CCDC80: variants seen among roughly 807,000 people sequenced by gnomAD.
CCDC80 encodes coiled-coil domain containing 80, also known as coiled-coil domain-containing protein 80.
A neutral mutation model predicts 78.7 loss-of-function variants in CCDC80; 49 were observed. The ratio of observed to expected loss-of-function variants is 0.62; its 90% CI spans 0.50 to 0.79. CCDC80 has a LOEUF of 0.79. Among genes scored for constraint, CCDC80 ranks in the 30% least tolerant of loss-of-function variants. CCDC80 has a pLI of 0.00. For missense variants in CCDC80, 1,205 were observed against 1,198.6 expected, an observed-to-expected ratio of 1.01 and a Z score of -0.08; for synonymous variants, 488 against 447.0, an observed-to-expected ratio of 1.09 and a Z score of -1.16.
At position 112,600,216 on chromosome 3, in the gene CCDC80, G is replaced by A. The variant is rs553207296; in HGVS notation, c.*5201C>T. On this transcript the variant is annotated 3_prime_UTR_variant, in exon 8 of 8. Coordinates refer to ENST00000206423, the MANE Select transcript of CCDC80 (RefSeq NM_199511.3). The stretch of plus-strand genomic sequence containing the variant: ...ACATTCACCAATAGCATCCTCCTCT[G>A]AATGTATTTTGGTCCTTTTGCTAAG... 2 of 152,152 alleles carry A rather than the reference G, an allele frequency of 1.3e-5. No individual in the cohort carries two copies. Among genetic ancestry groups the A allele is most frequent in the Non-Finnish European group, 2.9e-5 (2 of 68,022 alleles). 9.4% of individuals were successfully genotyped at this position (152,152 alleles called of 1,614,324 possible). A position where few individuals can be genotyped will look rare whatever the true frequency, so the allele number is the denominator to read the frequency against.
chr3:112,619,205 T>A, intron 3 of CCDC80, 101 bp from the exon 4 acceptor site: 1 of 1,119,740 alleles, frequency 8.9e-7, no homozygotes, highest in South Asian at 2.0e-5. Flanking sequence ...CCAGCCTTCA[T>A]TAGTTTTATA....
At chr3:112,636,422 C>T (rs75755325) in intron 2 of CCDC80, among the ~76,000 whole-genome samples, 4,921 of 152,226 alleles carry the variant, frequency 0.032, 406 homozygotes, top group East Asian at 0.29. Context: ...TAACAAAACA[C>T]ACACAGACAT....
intron 7 of CCDC80, 116 bp downstream of exon 7, chr3:112,607,060 G>T: frequency 1.5e-6 from 1 of 686,988 alleles, no homozygotes; most frequent in Non-Finnish European, 2.4e-6. Flanking sequence ...GAAGTGGGAG[G>T]AGGATTCAAT....
In CCDC80 at chr3:112,604,337, T is replaced by G. The variant is rs1431184457; in HGVS notation, c.*1080A>C. On this transcript the variant is annotated 3_prime_UTR_variant, in exon 8 of 8. Transcript: ENST00000206423. ...GTGGCAAACTTCATTGCTGTCTTAT[T>G]TTAAGAAATTGCCACCATCACCCCC... The G allele has an allele frequency of 6.6e-6, 1 of 152,206 alleles. No individual in the cohort carries two copies. Among genetic ancestry groups the G allele is most frequent in the African/African-American group, 2.4e-5 (1 of 41,462 alleles). The allele number at this position is 152,206 out of a possible 1,614,324, so 9.4% of individuals were successfully genotyped here. A position where few individuals can be genotyped will look rare whatever the true frequency, so the allele number is the denominator to read the frequency against.
At chr3:112,633,594 A>G (rs558715309) in intron 2 of CCDC80, among the ~76,000 whole-genome samples, 29 of 152,278 alleles carry the variant, frequency 1.9e-4, no homozygotes, top group African/African-American at 7.0e-4. Flanking sequence ...AGGAGAGGAG[A>G]GGGACTCAGG....
intron 3 of CCDC80, among the ~76,000 whole-genome samples, chr3:112,626,976 C>T (rs1935988607): frequency 6.6e-6 from 1 of 152,186 alleles, no homozygotes; most frequent in Non-Finnish European, 1.5e-5. Flanking sequence ...CTCAAACTCT[C>T]CTTTCTTTGA....
At chr3:112,605,831 G>C in intron 7 of CCDC80, 68 bp from the exon 8 acceptor site, 1 of 1,306,746 alleles carries the variant, frequency 7.7e-7, no homozygotes, top group Non-Finnish European at 1.1e-6. Flanking sequence ...ACATTAAAGT[G>C]TGAGGAAATT....
intron 7 of CCDC80, among the ~76,000 whole-genome samples, chr3:112,606,546 C>T (rs535370895): frequency 6.6e-6 from 1 of 152,346 alleles, no homozygotes; most frequent in South Asian, 2.1e-4. Context: ...CTACCTCAGC[C>T]TCCCAGGTAG....
chr3:112,597,533 G>T lies in CCDC80; in HGVS notation c.*7884C>A, dbSNP rs1935302403. On this transcript the variant is annotated 3_prime_UTR_variant, in exon 8 of 8. Transcript: ENST00000206423. ...TTCATTACTTTTTAGTTTATTTCAG[G>T]GAGGGGGTGGTGTTTTTTAATGAAT... 1 of 152,070 alleles carries T rather than the reference G, an allele frequency of 6.6e-6. No homozygotes were observed. The highest frequency in any genetic ancestry group is 2.4e-5 in the African/African-American group (1 of 41,392). The allele number at this position is 152,070 out of a possible 1,614,324, so 9.4% of individuals were successfully genotyped here. A position where few individuals can be genotyped will look rare whatever the true frequency, so the allele number is the denominator to read the frequency against.
intron 5 of CCDC80, 137 bp from the exon 6 acceptor site, chr3:112,610,218 C>A (rs1935598349): frequency 6.9e-6 from 5 of 720,516 alleles, no homozygotes; most frequent in Admixed American, 6.7e-5. Flanking sequence ...GAGAACTGTC[C>A]CATGCTTCTC....
At chr3:112,610,203 A>G (rs979530508) in intron 5 of CCDC80, 122 bp from the exon 6 acceptor site, 4 of 791,840 alleles carry the variant, frequency 5.1e-6, no homozygotes, top group Non-Finnish European at 8.5e-6. Flanking sequence ...AAAAAGAAAA[A>G]AACAGAGAAC....
intron 3 of CCDC80, among the ~76,000 whole-genome samples, chr3:112,626,153 C>T (rs1003217303): frequency 2.0e-5 from 3 of 152,176 alleles, no homozygotes; most frequent in Admixed American, 6.5e-5. Flanking sequence ...GCAGCAAGGG[C>T]AGTGGACTAA....
At chr3:112,633,051 T>C (rs1936129498) in intron 2 of CCDC80, among the ~76,000 whole-genome samples, 1 of 152,180 alleles carries the variant, frequency 6.6e-6, no homozygotes, top group South Asian at 2.1e-4. Flanking sequence ...ATAAATCCAC[T>C]TAATCTTCTG....
rs769151702 is a variant in CCDC80, at chr3:112,639,673, C to T, written c.233G>A (p.Arg78Lys). The T allele has an allele frequency of 2.5e-5, 41 of 1,614,194 alleles. No individual in the cohort carries two copies. In the South Asian group the frequency reaches 4.3e-4, roughly 17 times the overall value. Reference sequence around the variant, plus strand: ...AGCTAGTCTCAACACGGGCACACTCCTCCTTCTCTGGAGAGGCTGAAGGTT... The same window carrying T: ...AGCTAGTCTCAACACGGGCACACTCTTCCTTCTCTGGAGAGGCTGAAGGTT... ...EPNLQPLQRR[R>K]SVPVLRLARP... The change falls in exon 2 of 8, where the codon AGG (arginine) becomes AAG (lysine). Residue 78 changes from arginine (R) to lysine (K), a missense_variant. By Grantham distance (26) the Arg-to-Lys change is conservative. Coordinates refer to ENST00000206423, the MANE Select transcript of CCDC80 (RefSeq NM_199511.3).
chr3:112,607,569 G>A (rs900920742), intron 6 of CCDC80, among the ~76,000 whole-genome samples: 2 of 152,170 alleles, frequency 1.3e-5, no homozygotes, highest in East Asian at 3.9e-4. Flanking sequence ...GGCAGATCAC[G>A]AGGTCAGGAG....
At chr3:112,621,183 G>A (rs1331461460) in intron 3 of CCDC80, among the ~76,000 whole-genome samples, 6 of 152,112 alleles carry the variant, frequency 3.9e-5, no homozygotes, top group East Asian at 1.9e-4. Flanking sequence ...GACTCTGAGC[G>A]CATCTATATC....
At position 112,619,107 on chromosome 3, in the gene CCDC80, T is replaced by G. The variant is rs1026022648; in HGVS notation, c.2036-3A>C. ...CACTCGCATGGGCTTCTCATTATCT[T>G]AAGGGAAATAAAATGTGAATGAATA... On this transcript the variant is annotated splice_polypyrimidine_tract_variant and splice_region_variant and intron_variant, in intron 3 of 7. Coordinates refer to ENST00000206423, the MANE Select transcript of CCDC80 (RefSeq NM_199511.3). 5 of 1,564,838 alleles carry G rather than the reference T, an allele frequency of 3.2e-6. No individual in the cohort carries two copies. The highest frequency in any genetic ancestry group is 2.0e-5 in the Admixed American group (1 of 49,772).
chr3:112,640,537 CT>C lies in CCDC80; in HGVS notation c.-223del. On this transcript the variant is annotated 5_prime_UTR_variant, in exon 1 of 8. Transcript: ENST00000206423. ...CCTGATCTGAGAGCTGAGCCGATGCCTTTTCTTTCTGGCTGTGTCTTTTTAC... is the reference window on the plus strand; with the variant it reads ...CCTGATCTGAGAGCTGAGCCGATGCCTTTCTTTCTGGCTGTGTCTTTTTAC... The C allele has an allele frequency of 6.5e-6, 1 of 152,958 alleles. No individual in the cohort carries two copies. The highest frequency in any genetic ancestry group is 1.5e-5 in the Non-Finnish European group (1 of 68,504). 9.5% of individuals were successfully genotyped at this position (152,958 alleles called of 1,614,324 possible).
chr3:112,607,476 G>A (rs573209458), intron 6 of CCDC80, among the ~76,000 whole-genome samples: 150 of 152,136 alleles, frequency 9.9e-4, no homozygotes, highest in African/African-American at 3.4e-3. Flanking sequence ...TCTACTAAAT[G>A]ACAAAAAAGA....
Sources: allele counts gnomAD v4.1 joint callset (sites outside exome capture counted in the v4.1 genomes callset), GRCh38; gene constraint gnomAD v4.1.1; transcripts MANE v1.5; gene names NCBI Gene and HGNC (gene_info 2026-07-23, HGNC 2026-07-21).